Variants in TWIST2 observed in about 807,000 individuals in gnomAD.
TWIST2 encodes the protein twist family bHLH transcription factor 2.
In TWIST2, 1 loss-of-function variant was observed where a neutral mutation model predicts 11.6. The observed-to-expected ratio is 0.09, with a 90% confidence interval of 0.03 to 0.41. The LOEUF is 0.41. Ranked by LOEUF, TWIST2 falls within the 10% of genes least tolerant of loss-of-function variation. TWIST2 has a pLI of 0.98. For missense variants in TWIST2, 168 were observed against 226.4 expected (o/e 0.74, Z 1.66); for synonymous variants, 87 against 96.6 (o/e 0.90, Z 0.58).
chr2:238,857,937 A>AAAAC (rs1180666243), intron 1 of TWIST2, among the ~76,000 whole-genome samples: 5 of 152,122 alleles, frequency 3.3e-5, no homozygotes, highest in African/African-American at 4.8e-5. Context: ...ATTTCATCTC[A>AAAAC]AAACAAACAA....
intron 1 of TWIST2, chr2:238,886,858 TCAAGA>T (rs2106367658): frequency 6.6e-6 from 1 of 152,180 alleles, no homozygotes; most frequent in South Asian, 2.1e-4. Flanking sequence ...CAGTGTTTGG[TCAAGA>T]CAGCCCACGA....
In TWIST2 at chr2:238,867,274, G is replaced by A. The variant is rs1194234875; in HGVS notation, c.*35+18541G>A. The stretch of plus-strand genomic sequence containing the variant: ...GAGGGAGGCAGGGAGGGAGGGGGAA[G>A]CCACTGTACAGCCTAGCCTGGAGAC... On this transcript the variant is annotated intron_variant, in intron 1 of 1. Coordinates refer to ENST00000612363, the MANE Select transcript of TWIST2 (RefSeq NM_001271893.4). This position sits in a 1 kb window ranked among gnomAD's most constrained non-coding sequence, Gnocchi z 4.8. 6.6e-6 allele frequency among the ~76,000 whole-genome samples: 1 copy of A among 151,906 alleles called. No homozygotes were observed. Among genetic ancestry groups the A allele is most frequent in the Non-Finnish European group, 1.5e-5 (1 of 67,978 alleles).
chr2:238,890,645 CTTG>C (rs1319555808), intron 1 of TWIST2, among the ~76,000 whole-genome samples: 1 of 152,160 alleles, frequency 6.6e-6, no homozygotes, highest in Non-Finnish European at 1.5e-5. Context: ...TGCCATAAGA[CTTG>C]TTGGAGCATG....
intron 1 of TWIST2, among the ~76,000 whole-genome samples, chr2:238,854,650 G>A (rs376662067): frequency 1.6e-4 from 25 of 152,258 alleles, no homozygotes; most frequent in South Asian, 2.1e-4. Context: ...TTTTTCTGTC[G>A]CTATCCAGAC....
intron 1 of TWIST2, among the ~76,000 whole-genome samples, chr2:238,888,844 G>A (rs1417686701): frequency 6.6e-6 from 1 of 152,156 alleles, no homozygotes; most frequent in African/African-American, 2.4e-5. Context: ...TCATGAAGAA[G>A]TAAATGTGAA....
intron 1 of TWIST2, among the ~76,000 whole-genome samples, chr2:238,881,336 C>CATTAGTGTCAGTGTTAGT (rs1692924213): frequency 6.9e-6 from 1 of 144,680 alleles, no homozygotes; most frequent in African/African-American, 2.6e-5. Flanking sequence ...TTAATATTAG[C>CATTAGTGTCAGTGTTAGT]ATTAGTGTCA....
chr2:238,868,421 A>G (rs1334021748), intron 1 of TWIST2, among the ~76,000 whole-genome samples: 1 of 152,186 alleles, frequency 6.6e-6, no homozygotes, highest in Admixed American at 6.5e-5. Flanking sequence ...AAGCCTGCCC[A>G]CTTCGGACAG....
At chr2:238,865,025 C>T (rs1228336089) in intron 1 of TWIST2, among the ~76,000 whole-genome samples, 4 of 152,274 alleles carry the variant, frequency 2.6e-5, no homozygotes, top group South Asian at 2.1e-4. Flanking sequence ...GTTTGAGAAA[C>T]GATGGCAAAG....
chr2:238,869,746 C>T (rs960114620), intron 1 of TWIST2, among the ~76,000 whole-genome samples: 1 of 152,090 alleles, frequency 6.6e-6, no homozygotes, highest in African/African-American at 2.4e-5. Flanking sequence ...GAGTTTGAGG[C>T]CAACCTGGGC....
At chr2:238,884,113 G>A (rs917660651) in intron 1 of TWIST2, among the ~76,000 whole-genome samples, 6 of 152,188 alleles carry the variant, frequency 3.9e-5, no homozygotes, top group South Asian at 2.1e-4. Flanking sequence ...AAGGCACCCC[G>A]AGTGCCTACT....
At chr2:238,851,785 G>C (rs1692246480) in intron 1 of TWIST2, among the ~76,000 whole-genome samples, 1 of 152,226 alleles carries the variant, frequency 6.6e-6, no homozygotes, top group South Asian at 2.1e-4. Flanking sequence ...AGAAGAAGTA[G>C]AATGAAAGGC....
intron 1 of TWIST2, among the ~76,000 whole-genome samples, chr2:238,875,775 C>T (rs980792266): frequency 2.0e-5 from 3 of 152,174 alleles, no homozygotes; most frequent in Non-Finnish European, 4.4e-5. Context: ...CCCCTGTCCC[C>T]AAGTTCCAAA....
intron 1 of TWIST2, among the ~76,000 whole-genome samples, chr2:238,886,628 A>G (rs1693043915): frequency 6.6e-6 from 1 of 150,434 alleles, no homozygotes; most frequent in African/African-American, 2.5e-5. Flanking sequence ...TATCTCGGTG[A>G]GTGATTCTGG....
At chr2:238,877,917 A>G (rs932911779) in intron 1 of TWIST2, among the ~76,000 whole-genome samples, 2 of 152,200 alleles carry the variant, frequency 1.3e-5, no homozygotes, top group African/African-American at 4.8e-5. Context: ...GAACTTTAAT[A>G]TTCAAATTAC....
Position 238,893,379 on chromosome 2 carries a change from C to T in TWIST2, c.*36-16463C>T, listed in dbSNP as rs1693171293. Among the ~76,000 whole-genome samples the T allele has an allele frequency of 2.0e-5, 3 of 152,172 alleles. No individual in the cohort carries two copies. The South Asian group carries it at 6.2e-4, about 32-fold the overall frequency. ...GGTTACAGATATGGCTTATGGTCAG[C>T]GTTGTTTAATTATTCAGAACAGTTT... On this transcript the variant is annotated intron_variant, in intron 1 of 1. Transcript: ENST00000612363.
intron 1 of TWIST2, among the ~76,000 whole-genome samples, chr2:238,897,244 T>C (rs1246466381): frequency 6.6e-6 from 1 of 152,102 alleles, no homozygotes; most frequent in African/African-American, 2.4e-5. Flanking sequence ...TCTTAGATGG[T>C]CCTGTGGTGG....
In TWIST2 at chr2:238,908,100, CACAG is replaced by C. The variant is rs1462932758; in HGVS notation, c.*36-1738_*36-1735del. Among the ~76,000 whole-genome samples, 16 of 150,826 alleles carry C rather than the reference CACAG, an allele frequency of 1.1e-4. No individual in the cohort carries two copies. In the East Asian group the frequency reaches 2.1e-3, roughly 20 times the overall value. On this transcript the variant is annotated intron_variant, in intron 1 of 1. Transcript: ENST00000612363. Reference sequence around the variant, plus strand: ...ACACACCATACAAACATACCACACACACAGACATACCACATACACATACACATAG... The same window carrying C: ...ACACACCATACAAACATACCACACACACATACCACATACACATACACATAG...
At chr2:238,875,656 C>T (rs571732931) in intron 1 of TWIST2, among the ~76,000 whole-genome samples, 3 of 152,188 alleles carry the variant, frequency 2.0e-5, no homozygotes, top group Non-Finnish European at 4.4e-5. Context: ...CCGTGAACTT[C>T]AGCTCCCTGA....
At chr2:238,884,623 G>T (rs568123105) in intron 1 of TWIST2, among the ~76,000 whole-genome samples, 2 of 152,224 alleles carry the variant, frequency 1.3e-5, no homozygotes, top group African/African-American at 2.4e-5. Flanking sequence ...CTGCCAGGGG[G>T]CTGGGGCAGG....
Sources: allele counts gnomAD v4.1 joint callset (sites outside exome capture counted in the v4.1 genomes callset), GRCh38; gene constraint gnomAD v4.1.1; non-coding constraint Gnocchi (gnomAD v3.1); transcripts MANE v1.5; gene names NCBI Gene and HGNC (gene_info 2026-07-23, HGNC 2026-07-21).